Variants in CRTC1 observed in about 807,000 individuals in gnomAD.
CRTC1 encodes CREB regulated transcription coactivator 1, also known as CREB-regulated transcription coactivator 1.
In CRTC1, 18 loss-of-function variants were observed where a neutral mutation model predicts 66.1. The observed-to-expected ratio is 0.27, with a 90% CI of 0.19 to 0.40. The LOEUF (loss-of-function observed/expected upper bound fraction) is 0.40. Ranked by LOEUF, CRTC1 falls within the 10% of genes least tolerant of loss-of-function variation. The pLI is 1.00. For missense variants in CRTC1, 669 were observed against 887.9 expected (o/e 0.75, Z 3.13); for synonymous variants, 416 against 398.8 (o/e 1.04, Z -0.51).
intron 1 of CRTC1, among the ~76,000 whole-genome samples, chr19:18,701,356 A>G (rs1414342827): frequency 1.3e-5 from 2 of 152,228 alleles, no homozygotes; most frequent in East Asian, 1.9e-4. Flanking sequence ...GGATTAGATG[A>G]TGCATCCACG....
chr19:18,744,939 C>T (rs1233192298), intron 2 of CRTC1, among the ~76,000 whole-genome samples: 2 of 152,194 alleles, frequency 1.3e-5, no homozygotes, highest in Admixed American at 6.5e-5. Flanking sequence ...ATCAGAGTCT[C>T]ATTTTGCCCG....
Position 18,768,562 on chromosome 19 carries a change from A to ACCGCCGCAGCCCCAG in CRTC1, c.1092_1106dup (p.Gln366_Pro370dup). The ACCGCCGCAGCCCCAG allele has an allele frequency of 6.3e-7, 1 of 1,598,984 alleles. No individual in the cohort carries two copies. The highest frequency in any genetic ancestry group is 8.5e-7 in the Non-Finnish European group (1 of 1,174,056). On this transcript the variant is annotated inframe_insertion, in exon 10 of 14. Transcript: ENST00000321949. This position sits in a 1 kb window ranked among gnomAD's most constrained non-coding sequence, Gnocchi z 5.6. ...TCACCCAGGCGGGCTCCCAGCAGCC[A>ACCGCCGCAGCCCCAG]CCGCCGCAGCCCCAGCCCCCGCCGC...
chr19:18,723,389 C>T (rs1166970245), intron 1 of CRTC1, among the ~76,000 whole-genome samples: 2 of 152,178 alleles, frequency 1.3e-5, no homozygotes, highest in South Asian at 2.1e-4. Flanking sequence ...TGGGGAGAGA[C>T]GGAGACCTGT....
intron 6 of CRTC1, among the ~76,000 whole-genome samples, chr19:18,759,100 G>T (rs1246552852): frequency 6.6e-6 from 1 of 152,250 alleles, no homozygotes; most frequent in African/African-American, 2.4e-5. Context: ...AGCCACTCGG[G>T]AGGCTGAGGC....
chr19:18,762,907 G>A (rs556915097), intron 8 of CRTC1, among the ~76,000 whole-genome samples: 2 of 152,318 alleles, frequency 1.3e-5, no homozygotes, highest in East Asian at 3.9e-4. Context: ...TCCAGCCCAT[G>A]GTATGTTTCG....
chr19:18,712,934 T>C (rs936600254), intron 1 of CRTC1, among the ~76,000 whole-genome samples: 6 of 149,536 alleles, frequency 4.0e-5, no homozygotes, highest in Non-Finnish European at 7.4e-5. Context: ...CACTCCAGGC[T>C]GGGTGACGGA....
At position 18,775,918 on chromosome 19, in the gene CRTC1, A is replaced by G; in HGVS notation, c.1693+97A>G. 5.3e-6 allele frequency: 7 copies of G among 1,329,424 alleles called. No homozygotes were observed. The South Asian group carries it at 1.0e-4, about 20-fold the overall frequency. 82.4% of individuals were successfully genotyped at this position (1,329,424 alleles called of 1,614,324 possible). A position where few individuals can be genotyped will look rare whatever the true frequency, so the allele number is the denominator to read the frequency against. On this transcript the variant is annotated intron_variant, in intron 13 of 13. Transcript: ENST00000321949. ...GCTGTCCCGCAGCAGGAGGGTTGAC[A>G]GGGCCGGGGTTGTGACCCAAGCTTG...
rs781552247 is a variant in CRTC1 at position 18,774,996 on chromosome 19, C to T, written c.1512+10C>T. 53 of 1,601,680 alleles carry T rather than the reference C, an allele frequency of 3.3e-5. No individual in the cohort carries two copies. Among genetic ancestry groups the T allele is most frequent in the East Asian group, 1.3e-4 (6 of 44,890 alleles). On this transcript the variant is annotated intron_variant, in intron 12 of 13. Coordinates refer to ENST00000321949, the MANE Select transcript of CRTC1 (RefSeq NM_015321.3). ...TGCTCTGTCCCACCAGGTGAGCGGG[C>T]GCCCAGGCTGCCAGCCGGCCGGTGC...
intron 1 of CRTC1, among the ~76,000 whole-genome samples, chr19:18,715,051 C>G (rs938630376): frequency 1.3e-5 from 2 of 152,270 alleles, no homozygotes; most frequent in Non-Finnish European, 2.9e-5. Context: ...TCTCCCAGCT[C>G]TGGAGGCCAG....
At chr19:18,703,107 C>T (rs974221012) in intron 1 of CRTC1, among the ~76,000 whole-genome samples, 17 of 152,170 alleles carry the variant, frequency 1.1e-4, no homozygotes, top group East Asian at 1.9e-4. Flanking sequence ...CTCAGCCTCC[C>T]GAGTAGCTGG....
intron 12 of CRTC1, 121 bp downstream of exon 12, chr19:18,775,107 C>T: frequency 2.0e-6 from 2 of 983,196 alleles, no homozygotes; most frequent in Non-Finnish European, 3.0e-6. Context: ...CGTGCCTGCC[C>T]CTCAGCTTTG....
chr19:18,747,170 T>A, intron 4 of CRTC1, 56 bp downstream of exon 4: 1 of 1,125,610 alleles, frequency 8.9e-7, no homozygotes, highest in Non-Finnish European at 1.2e-6. Flanking sequence ...AAAACCAAAC[T>A]CTCATCATGG....
At chr19:18,693,359 A>AGCCT (rs2052896696) in intron 1 of CRTC1, among the ~76,000 whole-genome samples, 1 of 149,148 alleles carries the variant, frequency 6.7e-6, no homozygotes, top group South Asian at 2.1e-4. Context: ...ACTGCACTCC[A>AGCCT]GCCTGGGTGA....
intron 1 of CRTC1, among the ~76,000 whole-genome samples, chr19:18,698,766 C>T (rs544603989): frequency 6.6e-6 from 1 of 151,314 alleles, no homozygotes; most frequent in African/African-American, 2.4e-5. Context: ...CACAGGTGCA[C>T]AATGTGTATA....
At chr19:18,722,206 G>A (rs1253861255) in intron 1 of CRTC1, among the ~76,000 whole-genome samples, 1 of 152,210 alleles carries the variant, frequency 6.6e-6, no homozygotes, top group Non-Finnish European at 1.5e-5. Context: ...GAGAAAACAT[G>A]CCAAGCAGTT....
intron 1 of CRTC1, among the ~76,000 whole-genome samples, chr19:18,713,700 T>C (rs1404989193): frequency 6.6e-6 from 1 of 152,272 alleles, no homozygotes; most frequent in Admixed American, 6.5e-5. Flanking sequence ...CTGGGATTCC[T>C]GCCCAGGTCC....
chr19:18,741,103 C>T lies in CRTC1; in HGVS notation c.127-1807C>T, dbSNP rs1228983993. 2.0e-5 allele frequency among the ~76,000 whole-genome samples: 3 copies of T among 152,190 alleles called. No homozygotes were observed. Among genetic ancestry groups the T allele is most frequent in the Non-Finnish European group, 4.4e-5 (3 of 68,020 alleles). On this transcript the variant is annotated intron_variant, in intron 1 of 13. Transcript: ENST00000321949. This position sits in a 1 kb window ranked among gnomAD's most constrained non-coding sequence, Gnocchi z 4.2. The stretch of plus-strand genomic sequence containing the variant: ...GGGGCTGTGCTCCGAAGCCTGAGTG[C>T]CTCCAGCAAAGTGGACAGGAGCTGG...
At position 18,775,841 on chromosome 19, in the gene CRTC1, G is replaced by A. The variant is rs754325959; in HGVS notation, c.1693+20G>A. On this transcript the variant is annotated intron_variant, in intron 13 of 13. Transcript: ENST00000321949. ...TCACAGGTGAGGCCAGGCCGGGGGCGCGTGTGCGGCGCCCCAAGGGGCCTC... is the reference window on the plus strand; with the variant it reads ...TCACAGGTGAGGCCAGGCCGGGGGCACGTGTGCGGCGCCCCAAGGGGCCTC... The A allele has an allele frequency of 1.4e-5, 22 of 1,547,482 alleles. No individual in the cohort carries two copies. Among genetic ancestry groups the A allele is most frequent in the South Asian group, 5.0e-5 (4 of 80,636 alleles).
At chr19:18,769,868 GT>G (rs1447274866) in intron 10 of CRTC1, among the ~76,000 whole-genome samples, 1 of 152,172 alleles carries the variant, frequency 6.6e-6, no homozygotes, top group African/African-American at 2.4e-5. Context: ...GGACTCTTGA[GT>G]TTTTGCACAG....
Sources: gnomAD v4.1 joint callset for allele counts (sites outside exome capture counted in the v4.1 genomes callset) on GRCh38, gnomAD v4.1.1 for gene constraint, Gnocchi (gnomAD v3.1) non-coding constraint, MANE v1.5 for transcripts, NCBI Gene and HGNC (gene_info 2026-07-23, HGNC 2026-07-21) for gene names.